CSMD1: variants seen among roughly 807,000 people sequenced by gnomAD.
CSMD1 encodes CUB and sushi domain-containing protein 1.
A neutral mutation model predicts 417.5 loss-of-function variants in CSMD1; 213 were observed. The ratio of observed to expected loss-of-function variants is 0.51; its 90% CI spans 0.46 to 0.57. The LOEUF is 0.57. CSMD1 is among the 20% of genes least tolerant of loss of function. CSMD1 has a pLI of 0.00. For missense variants in CSMD1, 6,923 were observed against 4,529.7 expected, an observed-to-expected ratio of 1.53 and a Z score of -15.17; for synonymous variants, 2,862 against 1,736.8, an observed-to-expected ratio of 1.65 and a Z score of -16.11.
intron 2 of CSMD1, among the ~76,000 whole-genome samples, chr8:4,432,506 G>A (rs1325575884): frequency 1.3e-5 from 2 of 152,128 alleles, no homozygotes; most frequent in Non-Finnish European, 2.9e-5. Context: ...CTAACTGCTG[G>A]TAAATGCTCG....
chr8:4,207,878 A>G (rs1800077817), intron 3 of CSMD1, among the ~76,000 whole-genome samples: 1 of 152,132 alleles, frequency 6.6e-6, no homozygotes, highest in Admixed American at 6.6e-5. Flanking sequence ...AGGTGGAGAA[A>G]TTAGTCCTCA....
chr8:2,989,291 G>A (rs1216080404), intron 54 of CSMD1, among the ~76,000 whole-genome samples: 4 of 151,908 alleles, frequency 2.6e-5, no homozygotes, highest in Non-Finnish European at 4.4e-5. Flanking sequence ...GTTTTTTCCT[G>A]TTTTAATAAC....
At chr8:3,430,959 G>C (rs1209197367) in intron 12 of CSMD1, among the ~76,000 whole-genome samples, 6 of 152,170 alleles carry the variant, frequency 3.9e-5, no homozygotes, top group Admixed American at 6.5e-5. Context: ...GGAGGGTTCA[G>C]TTCGGTCTTT....
intron 3 of CSMD1, among the ~76,000 whole-genome samples, chr8:4,192,389 G>C (rs538643144): frequency 1.2e-3 from 181 of 152,116 alleles, no homozygotes; most frequent in African/African-American, 4.3e-3. Flanking sequence ...TGCTCTCTTT[G>C]GCTAAGTTGT....
intron 5 of CSMD1, among the ~76,000 whole-genome samples, chr8:3,982,048 G>A (rs1813911712): frequency 6.6e-6 from 1 of 151,790 alleles, no homozygotes; most frequent in African/African-American, 2.4e-5. Context: ...ACGGTCGCCT[G>A]TAATCCCAGC....
chr8:4,573,344 C>A (rs1004111252), intron 2 of CSMD1, among the ~76,000 whole-genome samples: 52 of 152,224 alleles, frequency 3.4e-4, no homozygotes, highest in African/African-American at 1.3e-3. Flanking sequence ...CTATTCCTCT[C>A]TGCTTGTTAG....
chr8:4,318,885 T>C (rs1052919197), intron 3 of CSMD1, among the ~76,000 whole-genome samples: 1 of 152,164 alleles, frequency 6.6e-6, no homozygotes, highest in South Asian at 2.1e-4. Context: ...CTGTCCTAAA[T>C]GAACGTACTT....
chr8:3,954,956 G>C (rs1811841296), intron 5 of CSMD1, among the ~76,000 whole-genome samples: 1 of 152,166 alleles, frequency 6.6e-6, no homozygotes, highest in Non-Finnish European at 1.5e-5. Flanking sequence ...GTTTCTCCCT[G>C]GGGTCTGCAT....
chr8:2,969,017 T>C (rs1056579262), intron 57 of CSMD1, among the ~76,000 whole-genome samples: 10 of 152,228 alleles, frequency 6.6e-5, no homozygotes, highest in African/African-American at 1.7e-4. Flanking sequence ...ATGACAAAAA[T>C]TGCTGTTAAA....
intron 23 of CSMD1, among the ~76,000 whole-genome samples, chr8:3,341,653 G>A (rs1041506848): frequency 6.6e-6 from 1 of 152,134 alleles, no homozygotes; most frequent in Non-Finnish European, 1.5e-5. Flanking sequence ...TCTGCTCTTT[G>A]CCCAGGGAGC....
intron 2 of CSMD1, among the ~76,000 whole-genome samples, chr8:4,471,065 A>T (rs1800503612): frequency 6.6e-6 from 1 of 152,194 alleles, no homozygotes; most frequent in Admixed American, 6.5e-5. Context: ...TCATTAATAA[A>T]TCAGTTAAAA....
At chr8:4,991,540 G>C (rs1387712615) in intron 1 of CSMD1, among the ~76,000 whole-genome samples, 1 of 152,160 alleles carries the variant, frequency 6.6e-6, no homozygotes, top group Non-Finnish European at 1.5e-5. Context: ...AGCGGGAGCC[G>C]CCACCCGGGC....
At position 2,998,134 on chromosome 8, in the gene CSMD1, T is replaced by A. The variant is rs1807078263; in HGVS notation, c.8254A>T (p.Ser2752Cys). 3 of 1,614,032 alleles carry A rather than the reference T, an allele frequency of 1.9e-6. No individual in the cohort carries two copies. The highest frequency in any genetic ancestry group is 4.5e-5 in the East Asian group (2 of 44,886). Residue 2752 changes from serine to cysteine, a missense_variant, in exon 54 of 70, where the codon AGT (serine) becomes TGT (cysteine). Ser to Cys is a moderately radical substitution (Grantham distance 112). Coordinates refer to ENST00000635120, the MANE Select transcript of CSMD1 (RefSeq NM_033225.6). ...GNPAHGFTNGSEFNLNDVVNF... is the reference protein window; with the variant it reads ...GNPAHGFTNGCEFNLNDVVNF... ...ACGACATCATTCAGGTTGAACTCAC[T>A]GCCATTAGTGAATCCGTGGGCAGGG... is the stretch of plus-strand genomic sequence containing the variant.
intron 69 of CSMD1, among the ~76,000 whole-genome samples, chr8:2,939,760 C>T (rs1041435192): frequency 3.3e-5 from 5 of 152,230 alleles, no homozygotes; most frequent in Non-Finnish European, 5.9e-5. Flanking sequence ...CAGAACAGCA[C>T]TTTGTGACTG....
intron 1 of CSMD1, among the ~76,000 whole-genome samples, chr8:4,748,732 A>C (rs910811305): frequency 1.1e-4 from 16 of 152,262 alleles, no homozygotes; most frequent in African/African-American, 3.4e-4. Context: ...GAATACTCAA[A>C]GTAAAATGCA....
At chr8:3,873,772 A>G (rs1805637342) in intron 5 of CSMD1, among the ~76,000 whole-genome samples, 1 of 152,218 alleles carries the variant, frequency 6.6e-6, no homozygotes, top group African/African-American at 2.4e-5. Context: ...AGATGGCCTG[A>G]ACCAACGTAG....
Position 4,730,208 on chromosome 8 carries a change from G to GAAAAC in CSMD1, c.86-92655_86-92651dup, listed in dbSNP as rs528105713. On this transcript the variant is annotated intron_variant, in intron 1 of 69. Transcript: ENST00000635120. ...AGGGATGGAAAAGAGGGAGACAGAAGAAAACAAAACAAAACAAAACAAAAC... is the reference window on the plus strand; with the variant it reads ...AGGGATGGAAAAGAGGGAGACAGAAGAAAACAAAACAAAACAAAACAAAACAAAAC... Among the ~76,000 whole-genome samples, 913 of 151,722 alleles carry GAAAAC rather than the reference G, an allele frequency of 6.0e-3. 12 individuals carry two copies. Among genetic ancestry groups the GAAAAC allele is most frequent in the South Asian group, 0.038 (183 of 4,782 alleles).
rs1563316302 is a variant in CSMD1 at position 3,367,081 on chromosome 8, A to G, written c.3066T>C (p.Phe1022=). 4 of 1,613,892 alleles carry G rather than the reference A, an allele frequency of 2.5e-6. No homozygotes were observed. In the Middle Eastern group the frequency reaches 4.9e-4, roughly 200 times the overall value. The part of the protein sequence containing the change: ...LFGNFTAQLR[F]ISDFSISYEG... ...CGTACGAAATTGAGAAGTCTGATATAAACCGAAGCTGGGCAGTGAAGTTTC... is the reference window on the plus strand; with the variant it reads ...CGTACGAAATTGAGAAGTCTGATATGAACCGAAGCTGGGCAGTGAAGTTTC... The change falls in exon 20 of 70, where the codon TTT becomes TTC. Residue 1022 remains phenylalanine, a synonymous_variant. Coordinates refer to ENST00000635120, the MANE Select transcript of CSMD1 (RefSeq NM_033225.6).
intron 1 of CSMD1, among the ~76,000 whole-genome samples, chr8:4,826,922 T>G (rs943679526): frequency 2.6e-5 from 4 of 152,180 alleles, no homozygotes; most frequent in African/African-American, 9.7e-5. Context: ...ACTTATCTAG[T>G]GCCAGCTTAC....
Sources: allele counts gnomAD v4.1 joint callset (sites outside exome capture counted in the v4.1 genomes callset), GRCh38; gene constraint gnomAD v4.1.1; transcripts MANE v1.5; gene names NCBI Gene and HGNC (gene_info 2026-07-23, HGNC 2026-07-21).